HOOK3: variants seen among roughly 807,000 people sequenced by gnomAD.
HOOK3 encodes protein Hook homolog 3.
HOOK3 carries 24 observed loss-of-function variants against 116.3 expected under a neutral mutation model. The ratio of observed to expected loss-of-function variants is 0.21; its 90% confidence interval spans 0.15 to 0.29. The LOEUF (loss-of-function observed/expected upper bound fraction) is 0.29, where lower values mean the gene tolerates loss of function less well. HOOK3 is among the 10% of genes least tolerant of loss of function. HOOK3 has a pLI of 1.00. For synonymous variants in HOOK3, 275 were observed against 283.0 expected (o/e 0.97, Z 0.28); for missense variants, 632 against 830.2 (o/e 0.76, Z 2.93).
chr8:42,904,250 T>C (rs1278568283), intron 1 of HOOK3, among the ~76,000 whole-genome samples: 1 of 150,516 alleles, frequency 6.6e-6, no homozygotes, highest in African/African-American at 2.4e-5. Flanking sequence ...CCTACTCAAA[T>C]GGGTCTTCCT....
intron 21 of HOOK3, among the ~76,000 whole-genome samples, chr8:43,016,274 C>T (rs561566749): frequency 3.3e-5 from 5 of 152,116 alleles, no homozygotes; most frequent in African/African-American, 9.6e-5. Flanking sequence ...CCCGACACCA[C>T]GCCTGGCTAA....
At chr8:42,982,068 A>G (rs943973311) in intron 13 of HOOK3, among the ~76,000 whole-genome samples, 6 of 151,402 alleles carry the variant, frequency 4.0e-5, no homozygotes, top group Admixed American at 2.0e-4. Flanking sequence ...AGCCTGGCCA[A>G]TGTGGTGAAA....
At chr8:42,929,267 G>A (rs1215624501) in intron 3 of HOOK3, among the ~76,000 whole-genome samples, 6 of 152,152 alleles carry the variant, frequency 3.9e-5, no homozygotes, top group Non-Finnish European at 7.4e-5. Flanking sequence ...TATGAGACCT[G>A]TAAAGATAAA....
At chr8:42,957,534 C>A (rs928390083) in intron 7 of HOOK3, among the ~76,000 whole-genome samples, 6 of 151,988 alleles carry the variant, frequency 3.9e-5, no homozygotes, top group South Asian at 4.1e-4. Flanking sequence ...AGAATAAGTT[C>A]ATGTCATTTT....
chr8:42,938,999 T>C (rs1394368124), intron 4 of HOOK3, among the ~76,000 whole-genome samples: 3 of 152,114 alleles, frequency 2.0e-5, no homozygotes, highest in East Asian at 3.9e-4. Flanking sequence ...CCTGAGTGGA[T>C]ACAGCACATG....
intron 4 of HOOK3, among the ~76,000 whole-genome samples, chr8:42,941,413 G>A (rs761948133): frequency 8.2e-4 from 123 of 150,638 alleles, no homozygotes; most frequent in Non-Finnish European, 1.6e-3. Context: ...AGCTACTCGG[G>A]AGGCTGAGGC....
chr8:43,028,399 A>G lies in HOOK3; in HGVS notation c.*9901A>G. ...AATTGATGTTATATAGTTAACATTT[A>G]TCAGGCAAATTCATATGAATGCTTA... On this transcript the variant is annotated 3_prime_UTR_variant, in exon 22 of 22. Transcript: ENST00000307602. The G allele has an allele frequency of 5.4e-6, 1 of 183,830 alleles. No individual in the cohort carries two copies. Among genetic ancestry groups the G allele is most frequent in the Non-Finnish European group, 1.2e-5 (1 of 86,564 alleles). The allele number at this position is 183,830 out of a possible 1,614,324, so 11.4% of individuals were successfully genotyped here.
intron 1 of HOOK3, among the ~76,000 whole-genome samples, chr8:42,899,661 G>A (rs1456881556): frequency 6.6e-6 from 1 of 152,156 alleles, no homozygotes; most frequent in East Asian, 1.9e-4. Flanking sequence ...GACTCATTTA[G>A]ATTAGTTTTC....
chr8:43,008,264 C>T (rs529264141), intron 18 of HOOK3, among the ~76,000 whole-genome samples: 179 of 152,018 alleles, frequency 1.2e-3, no homozygotes, highest in African/African-American at 4.1e-3. Context: ...GTGATCTGCC[C>T]GCCTCGGCCT....
Position 42,925,640 on chromosome 8 carries a change from T to C in HOOK3, c.216+11T>C. On this transcript the variant is annotated intron_variant, in intron 3 of 21. Coordinates refer to ENST00000307602, the MANE Select transcript of HOOK3 (RefSeq NM_032410.4). ...AATTGGAGGCTAAAGGTATTTTATT[T>C]TTCCACCTGTTAAATCTTTAAATAT... 1.3e-6 allele frequency: 2 copies of C among 1,538,236 alleles called. No individual in the cohort carries two copies. Among genetic ancestry groups the C allele is most frequent in the Non-Finnish European group, 1.8e-6 (2 of 1,121,048 alleles).
chr8:42,969,168 T>C (rs376786815), intron 11 of HOOK3, among the ~76,000 whole-genome samples: 4 of 152,354 alleles, frequency 2.6e-5, no homozygotes, highest in African/African-American at 4.8e-5. Context: ...ACAGGTCCTC[T>C]ACTATATATG....
In HOOK3 at chr8:43,022,712, G is replaced by T. The variant is rs1474563902; in HGVS notation, c.*4214G>T. 1 of 180,606 alleles carries T rather than the reference G, an allele frequency of 5.5e-6. No homozygotes were observed. The highest frequency in any genetic ancestry group is 2.4e-5 in the African/African-American group (1 of 42,452). 11.2% of individuals were successfully genotyped at this position (180,606 alleles called of 1,614,324 possible). On this transcript the variant is annotated 3_prime_UTR_variant, in exon 22 of 22. Transcript: ENST00000307602. ...CATTTGTCTATTTGATAGTAATGCA[G>T]AAAAAAGTCCCTAAAGACCCTGTGT...
chr8:42,923,452 A>G (rs1385209557), intron 2 of HOOK3, among the ~76,000 whole-genome samples: 1 of 152,254 alleles, frequency 6.6e-6, no homozygotes, highest in Admixed American at 6.5e-5. Flanking sequence ...ACAAAATGTG[A>G]TATATCTATA....
At position 43,005,137 on chromosome 8, in the gene HOOK3, C is replaced by T. The variant is rs144664506; in HGVS notation, c.1656-2710C>T. ...GTGAAAGATGCAAGTCAGAATAATA[C>T]GTAATGATTAATGTATAAAATTTAA... is the stretch of plus-strand genomic sequence containing the variant. On this transcript the variant is annotated intron_variant, in intron 17 of 21. Coordinates refer to ENST00000307602, the MANE Select transcript of HOOK3 (RefSeq NM_032410.4). Among the ~76,000 whole-genome samples, 216 of 146,488 alleles carry T rather than the reference C, an allele frequency of 1.5e-3. 1 individual carries two copies. Among genetic ancestry groups the T allele is most frequent in the African/African-American group, 5.3e-3 (206 of 39,230 alleles).
rs1362408687 is a variant in HOOK3, at chr8:43,028,136, T to C, written c.*9638T>C. 1.6e-5 allele frequency: 3 copies of C among 186,216 alleles called. No individual in the cohort carries two copies. Among genetic ancestry groups the C allele is most frequent in the Non-Finnish European group, 3.4e-5 (3 of 88,202 alleles). The allele number at this position is 186,216 out of a possible 1,614,324, so 11.5% of individuals were successfully genotyped here. A position where few individuals can be genotyped will look rare whatever the true frequency, so the allele number is the denominator to read the frequency against. ...CTTTATTTTTCAAGTGATAAAATCA[T>C]TTTATAAATCATTTCTTAATATCTT... On this transcript the variant is annotated 3_prime_UTR_variant, in exon 22 of 22. Coordinates refer to ENST00000307602, the MANE Select transcript of HOOK3 (RefSeq NM_032410.4).
In HOOK3 at chr8:42,897,056, G is replaced by C. The variant is rs1377312810; in HGVS notation, c.-76G>C. The C allele has an allele frequency of 1.8e-6, 2 of 1,125,110 alleles. No individual in the cohort carries two copies. Among genetic ancestry groups the C allele is most frequent in the Non-Finnish European group, 2.3e-6 (2 of 886,366 alleles). 69.7% of individuals were successfully genotyped at this position (1,125,110 alleles called of 1,614,324 possible). A position where few individuals can be genotyped will look rare whatever the true frequency, so the allele number is the denominator to read the frequency against. On this transcript the variant is annotated 5_prime_UTR_variant, in exon 1 of 22. Coordinates refer to ENST00000307602, the MANE Select transcript of HOOK3 (RefSeq NM_032410.4). ...GGGCCTGAGGCCGAGTCAGCTGCGC[G>C]GGCCCCCGGATCCCCCGACAGAGCG... is the stretch of plus-strand genomic sequence containing the variant.
At chr8:42,963,242 C>T (rs972259639) in intron 8 of HOOK3, among the ~76,000 whole-genome samples, 8 of 152,088 alleles carry the variant, frequency 5.3e-5, no homozygotes, top group Non-Finnish European at 1.0e-4. Context: ...TGGGGATATT[C>T]GCATTATATG....
Position 42,974,305 on chromosome 8 carries a change from A to G in HOOK3, c.1321+111A>G, listed in dbSNP as rs530580131. 2.4e-5 allele frequency: 16 copies of G among 680,690 alleles called. No individual in the cohort carries two copies. In the East Asian group the frequency reaches 3.7e-4, roughly 16 times the overall value. 42.2% of individuals were successfully genotyped at this position (680,690 alleles called of 1,614,324 possible). ...AATGGCACTGTCTTGGCTCACTGCA[A>G]CCTCTGCCTCCTGGAACCTCTGCCT... On this transcript the variant is annotated intron_variant, in intron 13 of 21. Coordinates refer to ENST00000307602, the MANE Select transcript of HOOK3 (RefSeq NM_032410.4).
At chr8:42,953,110 G>A (rs1808371307) in intron 6 of HOOK3, among the ~76,000 whole-genome samples, 1 of 152,020 alleles carries the variant, frequency 6.6e-6, no homozygotes, top group Non-Finnish European at 1.5e-5. Flanking sequence ...TCTGGGAAAT[G>A]GGGTCCTTAT....
Sources: gnomAD v4.1 joint callset for allele counts (sites outside exome capture counted in the v4.1 genomes callset) on GRCh38, gnomAD v4.1.1 for gene constraint, MANE v1.5 for transcripts, NCBI Gene and HGNC (gene_info 2026-07-23, HGNC 2026-07-21) for gene names.